Variants in LRIF1 observed in about 807,000 individuals in gnomAD.
LRIF1 encodes ligand-dependent nuclear receptor-interacting factor 1.
LRIF1 carries 32 observed loss-of-function variants against 52.7 expected under a neutral mutation model. The observed-to-expected ratio is 0.61, with a 90% confidence interval of 0.46 to 0.82. The LOEUF (loss-of-function observed/expected upper bound fraction) is 0.82, where lower values mean the gene tolerates loss of function less well. Ranked by LOEUF, LRIF1 falls within the 40% of genes least tolerant of loss-of-function variation. The pLI is 0.00. For synonymous variants in LRIF1, 323 were observed against 317.4 expected (o/e 1.02, Z -0.19); for missense variants, 887 against 892.0 (o/e 0.99, Z 0.07).
chr1:110,952,823 G>C lies in LRIF1; in HGVS notation c.69-8C>G. ...TACATGCAGCCTGAAACACTTAAAA[G>C]AACATTGAGTAAATAAATACAACAT... On this transcript the variant is annotated splice_polypyrimidine_tract_variant and splice_region_variant and intron_variant, in intron 1 of 3. Coordinates refer to ENST00000369763, the MANE Select transcript of LRIF1 (RefSeq NM_018372.4). 6.5e-7 allele frequency: 1 copy of C among 1,545,500 alleles called. No individual in the cohort carries two copies. Among genetic ancestry groups the C allele is most frequent in the Non-Finnish European group, 8.7e-7 (1 of 1,142,944 alleles).
chr1:110,943,477 G>C (rs190691785), downstream of LRIF1: 28 of 152,270 alleles, frequency 1.8e-4, no homozygotes, highest in East Asian at 4.6e-3. Flanking sequence ...AAAGGTAGAT[G>C]CAATATATTT....
the LRIF1 span, among the ~76,000 whole-genome samples, chr1:110,885,588 T>G: frequency 6.8e-6 from 1 of 146,546 alleles, no homozygotes; most frequent in Non-Finnish European, 1.5e-5. Context: ...TAAGACGAGG[T>G]GCGGTGGCTC....
the LRIF1 span, among the ~76,000 whole-genome samples, chr1:110,912,981 C>A: frequency 1.3e-5 from 2 of 152,150 alleles, no homozygotes; most frequent in Admixed American, 1.3e-4. Flanking sequence ...CAAACACAGA[C>A]ACACAGACTA....
chr1:110,939,744 C>A, the LRIF1 span: 1 of 152,194 alleles, frequency 6.6e-6, no homozygotes, highest in Admixed American at 6.5e-5. Flanking sequence ...AAAAGACATT[C>A]TCTTCAGTAA....
the LRIF1 span, chr1:110,891,332 T>A: frequency 8.7e-7 from 1 of 1,155,158 alleles, no homozygotes; most frequent in Non-Finnish European, 1.3e-6. Flanking sequence ...ATTTGTGCAC[T>A]CTGATCTCTG....
the LRIF1 span, among the ~76,000 whole-genome samples, chr1:110,919,742 T>C: frequency 6.6e-6 from 1 of 151,886 alleles, no homozygotes; most frequent in Middle Eastern, 3.2e-3. Context: ...AAAATGAAAA[T>C]AATAAAAAGA....
chr1:110,958,402 T>C (rs890543074), intron 1 of LRIF1, among the ~76,000 whole-genome samples: 2 of 152,252 alleles, frequency 1.3e-5, no homozygotes, highest in African/African-American at 2.4e-5. Flanking sequence ...GTGCTATTAA[T>C]GTTGGAAATT....
At chr1:110,951,193 G>T in intron 2 of LRIF1, 95 bp downstream of exon 2, 1 of 1,014,808 alleles carries the variant, frequency 9.9e-7, no homozygotes. Context: ...GGTTGGCAGT[G>T]GGGGAAAGAG....
chr1:110,929,389 T>C, the LRIF1 span, among the ~76,000 whole-genome samples: 1 of 152,226 alleles, frequency 6.6e-6, no homozygotes, highest in East Asian at 1.9e-4. Context: ...CAACAGTGTA[T>C]AAGCATTGCC....
chr1:110,916,644 ACTGT>A, the LRIF1 span, among the ~76,000 whole-genome samples: 4 of 152,302 alleles, frequency 2.6e-5, no homozygotes, highest in East Asian at 1.9e-4. Context: ...CTTGCCCCAA[ACTGT>A]CTGTTTAAAA....
Position 110,947,624 on chromosome 1 carries a change from AT to A in LRIF1, c.*334del. On this transcript the variant is annotated 3_prime_UTR_variant, in exon 4 of 4. Coordinates refer to ENST00000369763, the MANE Select transcript of LRIF1 (RefSeq NM_018372.4). Reference sequence around the variant, plus strand: ...TACACAGTCACTATCTACTGCTGGAATAATGCCTGAGCAATTTAGGTAAAGA... The same window carrying A: ...TACACAGTCACTATCTACTGCTGGAAAATGCCTGAGCAATTTAGGTAAAGA... 5.5e-6 allele frequency: 1 copy of A among 181,388 alleles called. No individual in the cohort carries two copies. The highest frequency in any genetic ancestry group is 1.2e-5 in the Non-Finnish European group (1 of 86,824). 11.2% of individuals were successfully genotyped at this position (181,388 alleles called of 1,614,324 possible). A position where few individuals can be genotyped will look rare whatever the true frequency, so the allele number is the denominator to read the frequency against.
chr1:110,906,546 AAGAG>A, the LRIF1 span, among the ~76,000 whole-genome samples: 1 of 152,158 alleles, frequency 6.6e-6, no homozygotes, highest in Non-Finnish European at 1.5e-5. Flanking sequence ...CCTGTCTCAA[AAGAG>A]AGACAGAGAA....
chr1:110,952,935 AG>A, intron 1 of LRIF1, 120 bp from the exon 2 acceptor site: 1 of 529,802 alleles, frequency 1.9e-6, no homozygotes, highest in East Asian at 4.5e-5. Flanking sequence ...TTCCATTTTG[AG>A]TTTTTAAAGT....
chr1:110,963,528 T>C, intron 1 of LRIF1, 93 bp downstream of exon 1: 1 of 1,088,484 alleles, frequency 9.2e-7, no homozygotes, highest in Non-Finnish European at 1.3e-6. Context: ...CCAACTCCTC[T>C]CAACTACACA....
the LRIF1 span, chr1:110,938,339 A>G: frequency 6.6e-6 from 1 of 152,204 alleles, no homozygotes; most frequent in African/African-American, 2.4e-5. Context: ...ATCCAACAAT[A>G]TATTAGAAAG....
the LRIF1 span, chr1:110,894,489 T>C: frequency 2.0e-6 from 2 of 1,011,920 alleles, no homozygotes; most frequent in Non-Finnish European, 3.1e-6. Flanking sequence ...ACAGAATAAG[T>C]TCTATAATAG....
chr1:110,922,785 A>C, the LRIF1 span, among the ~76,000 whole-genome samples: 2 of 152,216 alleles, frequency 1.3e-5, no homozygotes, highest in African/African-American at 4.8e-5. Flanking sequence ...TTAAAGTCAA[A>C]GTCTCAGCAT....
Position 110,948,062 on chromosome 1 carries a change from A to T in LRIF1, c.2207T>A (p.Leu736Ter). 6.2e-7 allele frequency: 1 copy of T among 1,613,980 alleles called. No homozygotes were observed. Among genetic ancestry groups the T allele is most frequent in the Non-Finnish European group, 8.5e-7 (1 of 1,179,986 alleles). The change falls in exon 4 of 4, where the codon TTA becomes TAA. Residue 736 changes from leucine to a stop codon, truncating the protein, a stop_gained. Coordinates refer to ENST00000369763, the MANE Select transcript of LRIF1 (RefSeq NM_018372.4). LOFTEE classifies it high-confidence loss of function. ...EDIFPVTPPE[L>*]EETIRDEKIR... ...TTTTTCATCTCGAATGGTTTCTTCT[A>T]ACTCCGGTGGTGTCACTGGGAAAAT... is the stretch of plus-strand genomic sequence containing the variant.
chr1:110,903,855 G>C, the LRIF1 span, among the ~76,000 whole-genome samples: 3 of 152,186 alleles, frequency 2.0e-5, no homozygotes, highest in African/African-American at 4.8e-5. Flanking sequence ...CTCAACTCTT[G>C]AACGGCATCT....
Sources: gnomAD v4.1 joint callset for allele counts (sites outside exome capture counted in the v4.1 genomes callset) on GRCh38, gnomAD v4.1.1 for gene constraint, MANE v1.5 for transcripts, NCBI Gene and HGNC (gene_info 2026-07-23, HGNC 2026-07-21) for gene names.